LRP1B: variants seen among roughly 807,000 people sequenced by gnomAD.
The protein encoded by LRP1B is LDL receptor related protein 1B, also known as low-density lipoprotein receptor-related protein 1B.
In LRP1B, 217 loss-of-function variants were observed where a neutral mutation model predicts 556.6. The observed-to-expected ratio is 0.39, with a 90% confidence interval of 0.35 to 0.44. The LOEUF is 0.44. LRP1B is among the 20% of genes least tolerant of loss of function. The pLI, the probability that LRP1B is intolerant of heterozygous loss-of-function variation, is 1.00. For missense variants in LRP1B, 5,053 were observed against 5,620.8 expected, an observed-to-expected ratio of 0.90 and a Z score of 3.23; for synonymous variants, 2,047 against 1,865.8, an observed-to-expected ratio of 1.10 and a Z score of -2.50.
chr2:141,495,549 T>TA (rs1375707355), intron 2 of LRP1B, among the ~76,000 whole-genome samples: 3 of 152,196 alleles, frequency 2.0e-5, no homozygotes, highest in Non-Finnish European at 2.9e-5. Context: ...TATATGCAAA[T>TA]AAAAATTCCA....
chr2:140,400,078 A>T (rs2105226447), intron 66 of LRP1B, among the ~76,000 whole-genome samples: 2 of 152,296 alleles, frequency 1.3e-5, no homozygotes, highest in Middle Eastern at 3.4e-3. Context: ...GTTCTTGAAC[A>T]CTCAAGTGAT....
At chr2:140,548,729 C>T (rs1333428127) in intron 43 of LRP1B, among the ~76,000 whole-genome samples, 2 of 152,016 alleles carry the variant, frequency 1.3e-5, no homozygotes, top group Non-Finnish European at 2.9e-5. Flanking sequence ...TCGTGACCAG[C>T]CTGGCCAACA....
intron 7 of LRP1B, among the ~76,000 whole-genome samples, chr2:141,097,196 A>G (rs1005742769): frequency 6.6e-6 from 1 of 152,208 alleles, no homozygotes; most frequent in Non-Finnish European, 1.5e-5. Context: ...TTCTGCTCAA[A>G]GTTGACATTT....
chr2:140,970,732 T>A (rs1360853305), intron 18 of LRP1B, among the ~76,000 whole-genome samples: 2 of 19,612 alleles, frequency 1.0e-4, no homozygotes, highest in Non-Finnish European at 2.1e-4. Flanking sequence ...TTTTTTTTTT[T>A]TTTTTTTTTT....
chr2:140,472,244 A>G (rs1301910361), intron 60 of LRP1B, among the ~76,000 whole-genome samples: 1 of 152,188 alleles, frequency 6.6e-6, no homozygotes, highest in Non-Finnish European at 1.5e-5. Flanking sequence ...GAATAAATGA[A>G]TGATGGGCAT....
intron 3 of LRP1B, among the ~76,000 whole-genome samples, chr2:141,330,994 G>A (rs576858915): frequency 1.3e-5 from 2 of 152,092 alleles, no homozygotes; most frequent in Non-Finnish European, 2.9e-5. Context: ...TCCTGACCTC[G>A]TGATCCGTCC....
At chr2:141,588,200 G>C (rs1687207930) in intron 2 of LRP1B, among the ~76,000 whole-genome samples, 1 of 151,718 alleles carries the variant, frequency 6.6e-6, no homozygotes, top group Non-Finnish European at 1.5e-5. Context: ...AAGGAACAAA[G>C]TTGTTAAAAT....
intron 3 of LRP1B, among the ~76,000 whole-genome samples, chr2:141,314,388 A>G (rs1686918989): frequency 6.6e-6 from 1 of 152,190 alleles, no homozygotes; most frequent in Admixed American, 6.5e-5. Context: ...TTTGTTTAAG[A>G]TGTGTAATTT....
At chr2:141,550,248 T>A (rs936839673) in intron 2 of LRP1B, among the ~76,000 whole-genome samples, 3 of 152,180 alleles carry the variant, frequency 2.0e-5, no homozygotes, top group African/African-American at 7.2e-5. Context: ...ATATGTTACC[T>A]TTATAAGAAG....
intron 3 of LRP1B, among the ~76,000 whole-genome samples, chr2:141,405,420 C>T (rs1028747804): frequency 6.6e-6 from 1 of 152,104 alleles, no homozygotes; most frequent in Non-Finnish European, 1.5e-5. Context: ...TTAATTTAGT[C>T]ATAATCACAT....
intron 7 of LRP1B, among the ~76,000 whole-genome samples, chr2:141,121,861 G>C (rs1235104110): frequency 2.6e-5 from 4 of 152,068 alleles, no homozygotes; most frequent in Non-Finnish European, 1.5e-5. Flanking sequence ...ATACTACAAG[G>C]CTACAGTAAC....
chr2:141,814,445 T>C (rs1696464003), intron 1 of LRP1B, among the ~76,000 whole-genome samples: 1 of 152,152 alleles, frequency 6.6e-6, no homozygotes, highest in Non-Finnish European at 1.5e-5. Context: ...GTTGAGAATA[T>C]ATACTGCAGT....
At chr2:140,995,848 T>C (rs889941979) in intron 15 of LRP1B, among the ~76,000 whole-genome samples, 2 of 152,174 alleles carry the variant, frequency 1.3e-5, no homozygotes, top group East Asian at 1.9e-4. Context: ...TGGGATTTAT[T>C]CACAAATTGG....
intron 1 of LRP1B, among the ~76,000 whole-genome samples, chr2:142,011,820 A>G (rs958780074): frequency 4.6e-5 from 7 of 152,084 alleles, no homozygotes; most frequent in Non-Finnish European, 1.0e-4. Flanking sequence ...TACTCACTTG[A>G]TATTTTGTGA....
chr2:141,113,445 A>T (rs1323630873), intron 7 of LRP1B, among the ~76,000 whole-genome samples: 2 of 152,212 alleles, frequency 1.3e-5, no homozygotes, highest in Non-Finnish European at 2.9e-5. Context: ...GGTTCTTTTA[A>T]ATAACAATTG....
At position 141,167,836 on chromosome 2, in the gene LRP1B, G is replaced by T. The variant is rs1269064689; in HGVS notation, c.1013+20585C>A. ...ACCATTGATAGAACTATTATGAAGT[G>T]AGAAAACTTGGTTTTCAGTGATTAA... On this transcript the variant is annotated intron_variant, in intron 7 of 90. Coordinates refer to ENST00000389484, the MANE Select transcript of LRP1B (RefSeq NM_018557.3). Among the ~76,000 whole-genome samples the T allele has an allele frequency of 2.6e-5, 4 of 151,922 alleles. No individual in the cohort carries two copies. The East Asian group carries it at 5.8e-4, about 22-fold the overall frequency.
chr2:141,018,228 T>C (rs970131432), intron 12 of LRP1B, among the ~76,000 whole-genome samples: 2 of 152,108 alleles, frequency 1.3e-5, no homozygotes, highest in African/African-American at 4.8e-5. Flanking sequence ...CCTGTTTGAA[T>C]GTAATTATCT....
chr2:141,972,475 T>C (rs1574547493), intron 1 of LRP1B, among the ~76,000 whole-genome samples: 1 of 151,588 alleles, frequency 6.6e-6, no homozygotes. Context: ...GAGATTTTCC[T>C]TCAATTCCAC....
chr2:140,860,584 G>A (rs535266276), intron 27 of LRP1B, among the ~76,000 whole-genome samples: 123 of 151,804 alleles, frequency 8.1e-4, no homozygotes, highest in African/African-American at 2.9e-3. Context: ...TCTACAAAAA[G>A]AGAAAAACAT....
Sources: gnomAD v4.1 joint callset for allele counts (sites outside exome capture counted in the v4.1 genomes callset) on GRCh38, gnomAD v4.1.1 for gene constraint, MANE v1.5 for transcripts, NCBI Gene and HGNC (gene_info 2026-07-23, HGNC 2026-07-21) for gene names.